Variants in CTNNA1 observed in about 807,000 individuals in gnomAD.
CTNNA1 encodes catenin alpha-1.
Under a neutral mutation model 98.4 loss-of-function variants are expected in CTNNA1, and 37 were observed. That is an observed-to-expected ratio of 0.38 (90% CI 0.29 to 0.49). The LOEUF is 0.49. Ranked by LOEUF, CTNNA1 falls within the 20% of genes least tolerant of loss-of-function variation. CTNNA1 has a pLI of 0.95. For missense variants in CTNNA1, 761 were observed against 1,147.2 expected (o/e 0.66, Z 4.86); for synonymous variants, 404 against 413.2 (o/e 0.98, Z 0.27).
chr5:138,882,719 C>T (rs931865025), intron 7 of CTNNA1, among the ~76,000 whole-genome samples: 6 of 152,222 alleles, frequency 3.9e-5, no homozygotes, highest in African/African-American at 1.4e-4. Flanking sequence ...TTATACGCTA[C>T]AGGGTTGCTT....
intron 5 of CTNNA1, among the ~76,000 whole-genome samples, chr5:138,815,722 C>T (rs536974853): frequency 1.1e-4 from 16 of 151,740 alleles, no homozygotes; most frequent in African/African-American, 2.7e-4. Context: ...GATACGTATT[C>T]GCATTTTCTT....
rs182821538 is a variant in CTNNA1 at position 138,847,231 on chromosome 5, A to G, written c.1062+19513A>G. ...TTCTATTGGGTAGTACTTGTAGTTC[A>G]ACAGCATGGATTTTCACCTTTTGGA... On this transcript the variant is annotated intron_variant, in intron 7 of 17. Coordinates refer to ENST00000302763, the MANE Select transcript of CTNNA1 (RefSeq NM_001903.5). Among the ~76,000 whole-genome samples, 19 of 152,322 alleles carry G rather than the reference A, an allele frequency of 1.2e-4. No individual in the cohort carries two copies. In the East Asian group the frequency reaches 3.7e-3, roughly 29 times the overall value.
chr5:138,881,119 G>T, intron 7 of CTNNA1: 1 of 456,268 alleles, frequency 2.2e-6, no homozygotes, highest in Non-Finnish European at 4.4e-6. Context: ...GGCTTCCTGA[G>T]GCTGGAGAGA....
At position 138,924,700 on chromosome 5, in the gene CTNNA1, C is replaced by T. The variant is rs1200227847; in HGVS notation, c.1737C>T (p.Leu579=). 3 of 1,574,558 alleles carry T rather than the reference C, an allele frequency of 1.9e-6. No homozygotes were observed. Among genetic ancestry groups the T allele is most frequent in the Admixed American group, 1.9e-5 (1 of 53,688 alleles). Residue 579 remains leucine (L), a synonymous_variant, in exon 12 of 18, where the codon CTC becomes CTT. Coordinates refer to ENST00000302763, the MANE Select transcript of CTNNA1 (RefSeq NM_001903.5). The part of the protein sequence containing the change: ...TEKVLEATKL[L]SNTVMPRFTE... ...AGGTTCTGGAAGCCACTAAGCTGCTCTCCAACACAGGTACGGGAACTCTCC... is the reference window on the plus strand; with the variant it reads ...AGGTTCTGGAAGCCACTAAGCTGCTTTCCAACACAGGTACGGGAACTCTCC...
chr5:138,825,558 GAA>G (rs1760630125), intron 6 of CTNNA1, among the ~76,000 whole-genome samples: 1 of 106,142 alleles, frequency 9.4e-6, no homozygotes, highest in Non-Finnish European at 1.9e-5. Context: ...CCAAAAAACA[GAA>G]ATTGTGTTCC....
chr5:138,780,987 C>T lies in CTNNA1; in HGVS notation c.-2-936C>T, dbSNP rs575661196. Among the ~76,000 whole-genome samples, 21 of 152,226 alleles carry T rather than the reference C, an allele frequency of 1.4e-4. 1 individual carries two copies. The highest frequency in any genetic ancestry group is 3.9e-4 in the East Asian group (2 of 5,188). The stretch of plus-strand genomic sequence containing the variant: ...GATGTTTTCTCCCTATTCTTAAAGC[C>T]GCTGTCTGACAGAAGTTTCTCTTGA... On this transcript the variant is annotated intron_variant, in intron 1 of 17. Coordinates refer to ENST00000302763, the MANE Select transcript of CTNNA1 (RefSeq NM_001903.5).
intron 3 of CTNNA1, among the ~76,000 whole-genome samples, chr5:138,808,532 G>A (rs954615603): frequency 5.3e-5 from 8 of 151,696 alleles, no homozygotes; most frequent in South Asian, 4.2e-4. Flanking sequence ...TATGTGGAGC[G>A]TATCTTTACT....
At chr5:138,881,215 C>T (rs1752835494) in intron 7 of CTNNA1, 1 of 415,530 alleles carries the variant, frequency 2.4e-6, no homozygotes, top group Non-Finnish European at 4.9e-6. Flanking sequence ...CTGTTCTGCT[C>T]TTTGTAATTT....
At chr5:138,856,125 G>T (rs1763700735) in intron 7 of CTNNA1, among the ~76,000 whole-genome samples, 1 of 152,126 alleles carries the variant, frequency 6.6e-6, no homozygotes, top group South Asian at 2.1e-4. Context: ...GTAGATAATG[G>T]CTTGGGGCTT....
intron 14 of CTNNA1, 51 bp downstream of exon 14, chr5:138,929,407 G>A (rs1478733394): frequency 2.2e-6 from 2 of 897,504 alleles, no homozygotes; most frequent in Non-Finnish European, 3.7e-6. Context: ...GACTTTCCCT[G>A]TCCCCTTTCT....
At chr5:138,838,649 C>G (rs1762008645) in intron 7 of CTNNA1, among the ~76,000 whole-genome samples, 1 of 152,004 alleles carries the variant, frequency 6.6e-6, no homozygotes, top group Non-Finnish European at 1.5e-5. Context: ...GAGGTGAGAA[C>G]TTAGGTTATT....
At chr5:138,753,770 G>A (rs770460474) in intron 1 of CTNNA1, 1 of 287,348 alleles carries the variant, frequency 3.5e-6, no homozygotes, top group African/African-American at 2.2e-5. Flanking sequence ...CGGGAAGTCG[G>A]GGGGCCGCCT....
chr5:138,847,810 T>G (rs1385268120), intron 7 of CTNNA1, among the ~76,000 whole-genome samples: 1 of 152,236 alleles, frequency 6.6e-6, no homozygotes, highest in Non-Finnish European at 1.5e-5. Flanking sequence ...CTCCCATTTC[T>G]GTTGCTTTGG....
intron 9 of CTNNA1, among the ~76,000 whole-genome samples, chr5:138,894,417 G>A (rs1335039531): frequency 6.7e-6 from 1 of 149,512 alleles, no homozygotes; most frequent in Non-Finnish European, 1.5e-5. Context: ...GAGTAGCTGG[G>A]GCCACAGGTG....
intron 7 of CTNNA1, among the ~76,000 whole-genome samples, chr5:138,831,836 A>C (rs1452027074): frequency 6.6e-6 from 1 of 152,182 alleles, no homozygotes; most frequent in African/African-American, 2.4e-5. Context: ...GTGCTCAGTA[A>C]ATGCTTGCTT....
intron 7 of CTNNA1, among the ~76,000 whole-genome samples, chr5:138,833,368 T>C (rs1354868950): frequency 6.6e-6 from 1 of 152,214 alleles, no homozygotes; most frequent in Admixed American, 6.5e-5. Context: ...TATTGAGCAC[T>C]TGAAATGTGA....
chr5:138,916,066 C>T (rs145825131), intron 10 of CTNNA1, among the ~76,000 whole-genome samples: 72 of 151,064 alleles, frequency 4.8e-4, no homozygotes, highest in African/African-American at 1.7e-3. Flanking sequence ...AACACACACA[C>T]ACACTAAGTG....
chr5:138,924,947 G>T (rs1056510790), intron 12 of CTNNA1, among the ~76,000 whole-genome samples: 2 of 152,290 alleles, frequency 1.3e-5, no homozygotes, highest in East Asian at 3.9e-4. Context: ...GATTTAAGAT[G>T]AATTTCTGAG....
intron 4 of CTNNA1, 48 bp from the exon 5 acceptor site, chr5:138,812,135 G>C: frequency 1.9e-6 from 3 of 1,571,938 alleles, no homozygotes; most frequent in Non-Finnish European, 2.6e-6. Flanking sequence ...CTTCTTTACA[G>C]ACCTACATTC....
Sources: gnomAD v4.1 joint callset for allele counts (sites outside exome capture counted in the v4.1 genomes callset) on GRCh38, gnomAD v4.1.1 for gene constraint, MANE v1.5 for transcripts, NCBI Gene and HGNC (gene_info 2026-07-23, HGNC 2026-07-21) for gene names.